Variants in KIF6 observed in about 807,000 individuals in gnomAD.
The protein encoded by KIF6 is kinesin family member 6.
A neutral mutation model predicts 112.7 loss-of-function variants in KIF6; 106 were observed. The observed-to-expected ratio is 0.94, with a 90% CI of 0.80 to 1.11. The LOEUF is 1.11. KIF6 is among the 50% of genes least tolerant of loss of function. The pLI, the probability that KIF6 is intolerant of heterozygous loss-of-function variation, is 0.00. For synonymous variants in KIF6, 339 were observed against 339.9 expected (o/e 1.00, Z 0.03); for missense variants, 929 against 964.0 (o/e 0.96, Z 0.48).
At chr6:39,662,177 A>G (rs900801922) in intron 3 of KIF6, among the ~76,000 whole-genome samples, 1 of 152,210 alleles carries the variant, frequency 6.6e-6, no homozygotes, top group Admixed American at 6.5e-5. Context: ...GATTTGGGAT[A>G]TTAAGTGGTG....
chr6:39,613,111 CT>C (rs144405585), intron 6 of KIF6, 77 bp downstream of exon 6: 1,507 of 1,074,976 alleles, frequency 1.4e-3, no homozygotes, highest in South Asian at 2.4e-3. Context: ...TCTATTATAT[CT>C]TTTTTTTTTC....
rs150017053 is a variant in KIF6 at position 39,502,547 on chromosome 6, G to A, written c.1645+37456C>T. Among the ~76,000 whole-genome samples the A allele has an allele frequency of 9.5e-3, 1,449 of 152,244 alleles. 15 individuals are homozygous for A. Among genetic ancestry groups the A allele is most frequent in the Middle Eastern group, 0.054 (16 of 294 alleles). ...ATGCCCCAATTAAAAGACATGGAAT[G>A]GCAAGCAGGATAAAAAACCTAGACC... On this transcript the variant is annotated intron_variant, in intron 13 of 22. Transcript: ENST00000287152.
At chr6:39,524,089 G>T (rs548919641) in intron 13 of KIF6, among the ~76,000 whole-genome samples, 1 of 151,856 alleles carries the variant, frequency 6.6e-6, no homozygotes, top group Admixed American at 6.6e-5. Context: ...ATTGGCGAAA[G>T]AATAATGTTT....
At chr6:39,431,490 A>G (rs1419878314) in intron 13 of KIF6, 3 of 226,898 alleles carry the variant, frequency 1.3e-5, no homozygotes, top group Non-Finnish European at 2.6e-5. Flanking sequence ...GCCTTTTCTT[A>G]CCATCGTTCA....
Position 39,677,289 on chromosome 6 carries a change from C to T in KIF6, c.251+37403G>A, listed in dbSNP as rs550373797. 2.8e-4 allele frequency among the ~76,000 whole-genome samples: 42 copies of T among 152,022 alleles called. 1 individual carries two copies. The East Asian group carries it at 6.2e-3, about 22-fold the overall frequency. On this transcript the variant is annotated intron_variant, in intron 3 of 22. Transcript: ENST00000287152. Reference sequence around the variant, plus strand: ...AAACAATTCTAAACTCATAACACAACCTCCAAATATATAAGGCATAAATTG... The same window carrying T: ...AAACAATTCTAAACTCATAACACAATCTCCAAATATATAAGGCATAAATTG...
At chr6:39,529,310 G>A (rs1454634935) in intron 13 of KIF6, among the ~76,000 whole-genome samples, 1 of 152,056 alleles carries the variant, frequency 6.6e-6, no homozygotes, top group African/African-American at 2.4e-5. Flanking sequence ...GACAAATGGG[G>A]TTACATAAAA....
At chr6:39,644,364 T>C (rs1005458450) in intron 3 of KIF6, among the ~76,000 whole-genome samples, 4 of 152,244 alleles carry the variant, frequency 2.6e-5, no homozygotes, top group Non-Finnish European at 4.4e-5. Context: ...TTGTAGTGAA[T>C]GTTCACAACA....
At chr6:39,631,716 TG>T (rs1227113849) in intron 5 of KIF6, among the ~76,000 whole-genome samples, 48 of 148,298 alleles carry the variant, frequency 3.2e-4, no homozygotes, top group African/African-American at 1.0e-3. Context: ...TTTTTTTTTT[TG>T]TTTTTTTGTT....
intron 15 of KIF6, among the ~76,000 whole-genome samples, chr6:39,407,732 G>T (rs372299430): frequency 5.3e-5 from 8 of 152,318 alleles, no homozygotes; most frequent in African/African-American, 1.9e-4. Flanking sequence ...CCATCTGTAT[G>T]CAGGAGTCAT....
chr6:39,365,537 G>A (rs1475187076), intron 16 of KIF6, among the ~76,000 whole-genome samples: 1 of 152,184 alleles, frequency 6.6e-6, no homozygotes, highest in East Asian at 1.9e-4. Flanking sequence ...TGCTGGCCTT[G>A]CCTTCTTTGA....
intron 14 of KIF6, among the ~76,000 whole-genome samples, chr6:39,422,336 G>A (rs1360157974): frequency 6.6e-6 from 1 of 152,178 alleles, no homozygotes; most frequent in South Asian, 2.1e-4. Flanking sequence ...TGAGTGCTGT[G>A]GTCAACTCTC....
At chr6:39,507,364 T>C (rs1428432186) in intron 13 of KIF6, among the ~76,000 whole-genome samples, 1 of 152,160 alleles carries the variant, frequency 6.6e-6, no homozygotes, top group Non-Finnish European at 1.5e-5. Context: ...ACAGTTTTTT[T>C]CTTTTAGGAT....
At chr6:39,371,399 A>T (rs1358065773) in intron 16 of KIF6, among the ~76,000 whole-genome samples, 1 of 152,132 alleles carries the variant, frequency 6.6e-6, no homozygotes, top group African/African-American at 2.4e-5. Flanking sequence ...AGTGGGGAAC[A>T]GCAGCAAGTA....
chr6:39,367,341 T>C (rs1765637534), intron 16 of KIF6, among the ~76,000 whole-genome samples: 1 of 152,136 alleles, frequency 6.6e-6, no homozygotes, highest in Admixed American at 6.5e-5. Flanking sequence ...GGACAGAGCC[T>C]CCCATCACCT....
intron 16 of KIF6, among the ~76,000 whole-genome samples, chr6:39,370,276 T>G (rs930236098): frequency 2.6e-5 from 4 of 152,178 alleles, no homozygotes; most frequent in African/African-American, 9.7e-5. Context: ...CATATGATCT[T>G]TTGGGGAGAG....
At chr6:39,702,232 C>A (rs1338795611) in intron 3 of KIF6, among the ~76,000 whole-genome samples, 6 of 152,130 alleles carry the variant, frequency 3.9e-5, no homozygotes, top group Non-Finnish European at 7.4e-5. Flanking sequence ...CTGGTAATAG[C>A]CTGATTTGTC....
rs1311158311 is a variant in KIF6 at position 39,345,645 on chromosome 6, C to G, written c.2321+55G>C. The G allele has an allele frequency of 2.1e-6, 3 of 1,434,044 alleles. No individual in the cohort carries two copies. In the Admixed American group the frequency reaches 6.0e-5, roughly 29 times the overall value. 88.8% of individuals were successfully genotyped at this position (1,434,044 alleles called of 1,614,324 possible). The stretch of plus-strand genomic sequence containing the variant: ...TCGGGGAGTAGACTGGAGATGGAGG[C>G]CCACTCCGCCCACTGCAGGGGCTGT... On this transcript the variant is annotated intron_variant, in intron 21 of 22. Transcript: ENST00000287152.
chr6:39,351,588 C>A (rs549092686), intron 19 of KIF6, among the ~76,000 whole-genome samples: 2 of 151,914 alleles, frequency 1.3e-5, no homozygotes, highest in East Asian at 3.9e-4. Flanking sequence ...ATCTGTCGGG[C>A]CCCTTGCTGA....
intron 13 of KIF6, among the ~76,000 whole-genome samples, chr6:39,495,402 GC>G (rs1775726865): frequency 6.6e-6 from 1 of 152,192 alleles, no homozygotes; most frequent in African/African-American, 2.4e-5. Flanking sequence ...AACTTCCTCA[GC>G]AGCATCCTGC....
Sources: allele counts gnomAD v4.1 joint callset (sites outside exome capture counted in the v4.1 genomes callset), GRCh38; gene constraint gnomAD v4.1.1; transcripts MANE v1.5; gene names NCBI Gene and HGNC (gene_info 2026-07-23, HGNC 2026-07-21).